The following PRKG1 variants were observed in gnomAD, a reference collection of about 807,000 sequenced individuals.
PRKG1 encodes protein kinase cGMP-dependent 1.
A neutral mutation model predicts 88.1 loss-of-function variants in PRKG1; 35 were observed. The observed-to-expected ratio is 0.40, with a 90% CI of 0.30 to 0.53. PRKG1 has a LOEUF of 0.53. Among genes scored for constraint, PRKG1 ranks in the 20% least tolerant of loss-of-function variants. PRKG1 has a pLI of 0.59. For missense variants in PRKG1, 540 were observed against 839.8 expected, an observed-to-expected ratio of 0.64 and a Z score of 4.41; for synonymous variants, 303 against 292.5, an observed-to-expected ratio of 1.04 and a Z score of -0.37.
rs181639897 is a variant in PRKG1, at chr10:51,677,983, T to C, written c.593-126602T>C. Reference sequence around the variant, plus strand: ...AGGGTCAAGACAAATGTTATATTCTTCCTTGTGAGTTGAGTAAAGGAGAAA... The same window carrying C: ...AGGGTCAAGACAAATGTTATATTCTCCCTTGTGAGTTGAGTAAAGGAGAAA... On this transcript the variant is annotated intron_variant, in intron 3 of 17. Coordinates refer to ENST00000373980, the MANE Select transcript of PRKG1 (RefSeq NM_006258.4). 1.4e-3 allele frequency among the ~76,000 whole-genome samples: 218 copies of C among 152,272 alleles called. 1 individual carries two copies. The highest frequency in any genetic ancestry group is 2.4e-3 in the Non-Finnish European group (162 of 68,026).
intron 3 of PRKG1, among the ~76,000 whole-genome samples, chr10:51,490,677 T>G (rs1840683003): frequency 6.6e-6 from 1 of 152,098 alleles, no homozygotes; most frequent in Admixed American, 6.6e-5. Context: ...TGTCCGTTTT[T>G]CATAGATCGT....
chr10:51,809,122 A>G (rs1589306579), intron 4 of PRKG1, among the ~76,000 whole-genome samples: 1 of 152,114 alleles, frequency 6.6e-6, no homozygotes, highest in East Asian at 1.9e-4. Flanking sequence ...ATTCCATTGT[A>G]TTTACCCATT....
chr10:51,996,961 T>C (rs1277167972), intron 5 of PRKG1, among the ~76,000 whole-genome samples: 1 of 152,178 alleles, frequency 6.6e-6, no homozygotes, highest in Non-Finnish European at 1.5e-5. Context: ...GGAGAAATTC[T>C]GTTATTTGTG....
At chr10:51,358,069 A>G (rs1014079339) in intron 2 of PRKG1, among the ~76,000 whole-genome samples, 4 of 151,808 alleles carry the variant, frequency 2.6e-5, no homozygotes, top group African/African-American at 9.7e-5. Context: ...CTTATTTTTC[A>G]TGGTTTCTTT....
intron 3 of PRKG1, among the ~76,000 whole-genome samples, chr10:51,787,373 G>T (rs756730319): frequency 1.9e-4 from 29 of 152,104 alleles, no homozygotes; most frequent in Admixed American, 4.6e-4. Context: ...CCCTTCATGG[G>T]CTTGAGACAG....
At chr10:51,314,566 G>A (rs2132496132) in intron 2 of PRKG1, among the ~76,000 whole-genome samples, 1 of 152,284 alleles carries the variant, frequency 6.6e-6, no homozygotes, top group Non-Finnish European at 1.5e-5. Context: ...ACTTTTGCAA[G>A]CTGTTTCAGT....
intron 2 of PRKG1, among the ~76,000 whole-genome samples, chr10:51,184,684 T>C (rs925537441): frequency 3.3e-5 from 5 of 152,186 alleles, no homozygotes; most frequent in Non-Finnish European, 7.4e-5. Flanking sequence ...GGTTATATTT[T>C]TATGTTTTGA....
intron 3 of PRKG1, among the ~76,000 whole-genome samples, chr10:51,747,772 T>C (rs534824952): frequency 2.3e-4 from 35 of 152,260 alleles, no homozygotes; most frequent in Non-Finnish European, 4.7e-4. Flanking sequence ...GGACTTTTTT[T>C]TGGAGAGGGG....
At chr10:52,189,228 A>G (rs1032426487) in intron 9 of PRKG1, among the ~76,000 whole-genome samples, 2 of 152,174 alleles carry the variant, frequency 1.3e-5, no homozygotes, top group Non-Finnish European at 2.9e-5. Flanking sequence ...TAGCATTATA[A>G]GATGTGTTGC....
At chr10:51,099,281 T>A (rs1431585454) in intron 1 of PRKG1, among the ~76,000 whole-genome samples, 1 of 152,038 alleles carries the variant, frequency 6.6e-6, no homozygotes. Context: ...TTGAAGAAGT[T>A]ATTTTTACAC....
rs75315529 is a variant in PRKG1, at chr10:51,125,249, G to A, written c.312-27915G>A. ...TGAGGTGGGAGGATCACTTGAGCCT[G>A]GAAAATAGAGGTGGCAGTGAGCCAA... On this transcript the variant is annotated intron_variant, in intron 1 of 17. Coordinates refer to ENST00000373980, the MANE Select transcript of PRKG1 (RefSeq NM_006258.4). Among the ~76,000 whole-genome samples the A allele has an allele frequency of 6.1e-3, 931 of 152,030 alleles. 10 individuals carry two copies. The highest frequency in any genetic ancestry group is 0.021 in the African/African-American group (882 of 41,446).
At chr10:51,571,817 T>C (rs1837761358) in intron 3 of PRKG1, among the ~76,000 whole-genome samples, 1 of 151,826 alleles carries the variant, frequency 6.6e-6, no homozygotes, top group Non-Finnish European at 1.5e-5. Flanking sequence ...CTTAATCAGA[T>C]GATGTAAGAT....
At chr10:51,435,116 A>G (rs573076894) in intron 2 of PRKG1, among the ~76,000 whole-genome samples, 34 of 152,162 alleles carry the variant, frequency 2.2e-4, no homozygotes, top group Middle Eastern at 3.4e-3. Flanking sequence ...CTTTCATGAT[A>G]ATGACTAGGG....
intron 1 of PRKG1, among the ~76,000 whole-genome samples, chr10:51,107,699 C>T (rs548331097): frequency 2.5e-4 from 38 of 150,060 alleles, no homozygotes; most frequent in Non-Finnish European, 4.7e-4. Flanking sequence ...TGGCATGTTC[C>T]TGTAGTCCCA....
At chr10:51,269,010 C>G (rs1839908512) in intron 2 of PRKG1, among the ~76,000 whole-genome samples, 1 of 152,022 alleles carries the variant, frequency 6.6e-6, no homozygotes, top group African/African-American at 2.4e-5. Flanking sequence ...CTTCAAGGAA[C>G]TCAAAGAAAT....
At chr10:51,408,064 C>T (rs1003739988) in intron 2 of PRKG1, among the ~76,000 whole-genome samples, 1 of 152,188 alleles carries the variant, frequency 6.6e-6, no homozygotes, top group Non-Finnish European at 1.5e-5. Context: ...AAAAATTTTG[C>T]TAGTGGTTCA....
intron 3 of PRKG1, among the ~76,000 whole-genome samples, chr10:51,527,930 C>T (rs564219601): frequency 3.3e-5 from 5 of 152,230 alleles, no homozygotes; most frequent in Non-Finnish European, 2.9e-5. Context: ...AGCTCCTTCT[C>T]GGGTTGTGAC....
intron 4 of PRKG1, among the ~76,000 whole-genome samples, chr10:51,805,270 T>C (rs900382423): frequency 6.6e-6 from 1 of 152,022 alleles, no homozygotes; most frequent in Non-Finnish European, 1.5e-5. Flanking sequence ...CTTTCGTTTA[T>C]ATTATATATT....
intron 3 of PRKG1, among the ~76,000 whole-genome samples, chr10:51,676,220 A>G (rs1289367772): frequency 6.6e-6 from 1 of 152,064 alleles, no homozygotes; most frequent in African/African-American, 2.4e-5. Flanking sequence ...TTAAAATTAT[A>G]TTAAAGTAAA....
Sources: gnomAD v4.1 joint callset for allele counts (sites outside exome capture counted in the v4.1 genomes callset) on GRCh38, gnomAD v4.1.1 for gene constraint, MANE v1.5 for transcripts, NCBI Gene and HGNC (gene_info 2026-07-23, HGNC 2026-07-21) for gene names.